The following FHIT variants were observed in gnomAD, a reference collection of about 807,000 sequenced individuals.
The protein encoded by FHIT is bis(5'-adenosyl)-triphosphatase.
In FHIT, 19 loss-of-function variants were observed where a neutral mutation model predicts 17.9. The ratio of observed to expected loss-of-function variants is 1.06; its 90% CI spans 0.74 to 1.56. The LOEUF (loss-of-function observed/expected upper bound fraction) is 1.56. Ranked by LOEUF, FHIT falls within the 40% of genes most tolerant of loss-of-function variation. The pLI is 0.00. For synonymous variants in FHIT, 81 were observed against 69.7 expected, an observed-to-expected ratio of 1.16 and a Z score of -0.81; for missense variants, 248 against 189.2, an observed-to-expected ratio of 1.31 and a Z score of -1.82.
chr3:60,018,187 G>A (rs1700417527), intron 5 of FHIT, among the ~76,000 whole-genome samples: 2 of 152,148 alleles, frequency 1.3e-5, no homozygotes, highest in South Asian at 4.1e-4. Context: ...TGGTGAGAAA[G>A]GAGGCAAGAG....
chr3:61,074,148 C>T (rs1559961320), intron 2 of FHIT, among the ~76,000 whole-genome samples: 1 of 152,004 alleles, frequency 6.6e-6, no homozygotes, highest in African/African-American at 2.4e-5. Context: ...AGGAAGAACA[C>T]AAAAAACCCC....
intron 4 of FHIT, among the ~76,000 whole-genome samples, chr3:60,740,928 G>GT (rs1262651077): frequency 6.6e-6 from 1 of 152,052 alleles, no homozygotes; most frequent in East Asian, 1.9e-4. Context: ...GTTTTGTTTT[G>GT]TTTTTTGTTT....
chr3:60,785,889 A>T (rs1700551438), intron 4 of FHIT, among the ~76,000 whole-genome samples: 1 of 143,980 alleles, frequency 6.9e-6, no homozygotes, highest in Non-Finnish European at 1.5e-5. Context: ...AAATGCAACA[A>T]ACAGAAGACA....
chr3:60,172,920 C>G (rs1224180675), intron 5 of FHIT, among the ~76,000 whole-genome samples: 1 of 152,156 alleles, frequency 6.6e-6, no homozygotes, highest in African/African-American at 2.4e-5. Context: ...ATAAAGATTG[C>G]TACCACATAT....
intron 5 of FHIT, among the ~76,000 whole-genome samples, chr3:60,401,496 C>A (rs1289131963): frequency 1.3e-5 from 2 of 152,094 alleles, no homozygotes; most frequent in Admixed American, 1.3e-4. Context: ...TATAACCCTC[C>A]ACCCCCACAA....
At chr3:59,899,778 G>A (rs1381223725) in intron 8 of FHIT, among the ~76,000 whole-genome samples, 4 of 152,110 alleles carry the variant, frequency 2.6e-5, no homozygotes, top group African/African-American at 9.7e-5. Context: ...CCCGGGAGGC[G>A]GAGGTTGCAG....
At chr3:59,806,981 T>C (rs1177403888) in intron 8 of FHIT, among the ~76,000 whole-genome samples, 3 of 152,130 alleles carry the variant, frequency 2.0e-5, no homozygotes, top group Non-Finnish European at 2.9e-5. Flanking sequence ...AACAGGACCA[T>C]TGCCATACTT....
At chr3:60,756,724 G>A (rs781983161) in intron 4 of FHIT, among the ~76,000 whole-genome samples, 5 of 152,286 alleles carry the variant, frequency 3.3e-5, no homozygotes, top group African/African-American at 7.2e-5. Context: ...GAATTAGGCC[G>A]CATTATCCTT....
chr3:59,911,760 A>C (rs1419440629), intron 8 of FHIT, among the ~76,000 whole-genome samples: 2 of 152,210 alleles, frequency 1.3e-5, no homozygotes, highest in Non-Finnish European at 2.9e-5. Context: ...GTGCCCAAGA[A>C]GTGGGGAGAC....
At chr3:59,862,824 G>A (rs1702466673) in intron 8 of FHIT, among the ~76,000 whole-genome samples, 1 of 152,194 alleles carries the variant, frequency 6.6e-6, no homozygotes, top group Admixed American at 6.5e-5. Context: ...ACGTTTCCCA[G>A]TTATTCCTCC....
chr3:61,233,361 T>A (rs974652265), intron 1 of FHIT, among the ~76,000 whole-genome samples: 1 of 152,154 alleles, frequency 6.6e-6, no homozygotes, highest in Admixed American at 6.5e-5. Flanking sequence ...ATCTAAACAA[T>A]CCAGTAACAT....
intron 5 of FHIT, among the ~76,000 whole-genome samples, chr3:60,534,097 C>T (rs1038412059): frequency 6.6e-6 from 1 of 152,166 alleles, no homozygotes; most frequent in Admixed American, 6.5e-5. Context: ...GGACAAAAGA[C>T]TAGAGCTTTC....
intron 5 of FHIT, among the ~76,000 whole-genome samples, chr3:60,426,399 C>T (rs553245619): frequency 3.9e-5 from 6 of 152,232 alleles, no homozygotes; most frequent in East Asian, 3.9e-4. Flanking sequence ...TTTTCCCCTT[C>T]CCACGAATTC....
chr3:60,138,818 G>C (rs542544578), intron 5 of FHIT, among the ~76,000 whole-genome samples: 24 of 152,264 alleles, frequency 1.6e-4, no homozygotes, highest in African/African-American at 5.3e-4. Flanking sequence ...GAAAGGCAGA[G>C]ACTCAGGAAG....
At chr3:60,441,724 T>TTA (rs1553772800) in intron 5 of FHIT, among the ~76,000 whole-genome samples, 4 of 63,014 alleles carry the variant, frequency 6.3e-5, no homozygotes, top group Non-Finnish European at 8.0e-5. Flanking sequence ...ATATATATAT[T>TTA]TGTATTTATA....
At chr3:60,654,691 A>T (rs1391491148) in intron 4 of FHIT, among the ~76,000 whole-genome samples, 4 of 152,218 alleles carry the variant, frequency 2.6e-5, no homozygotes, top group Non-Finnish European at 4.4e-5. Context: ...TTCTAGACAC[A>T]ATGTCTTTGA....
chr3:60,258,463 T>C (rs1706130253), intron 5 of FHIT, among the ~76,000 whole-genome samples: 1 of 152,164 alleles, frequency 6.6e-6, no homozygotes, highest in African/African-American at 2.4e-5. Context: ...CCTCCTTAAC[T>C]GTCCAGTGCA....
intron 5 of FHIT, among the ~76,000 whole-genome samples, chr3:60,053,650 T>C (rs916074949): frequency 3.9e-5 from 6 of 151,972 alleles, no homozygotes; most frequent in Non-Finnish European, 7.4e-5. Flanking sequence ...GGAAAGAAAT[T>C]GAGTCTATCA....
chr3:59,801,878 G>A (rs1299842529), intron 8 of FHIT, among the ~76,000 whole-genome samples: 1 of 152,190 alleles, frequency 6.6e-6, no homozygotes, highest in Non-Finnish European at 1.5e-5. Flanking sequence ...CCAGCCGCCT[G>A]AGTCCTTGTC....
Sources: allele counts gnomAD v4.1 joint callset (sites outside exome capture counted in the v4.1 genomes callset), GRCh38; gene constraint gnomAD v4.1.1; transcripts MANE v1.5; gene names NCBI Gene and HGNC (gene_info 2026-07-23, HGNC 2026-07-21).